Variants in CHD5 observed in about 807,000 individuals in gnomAD.
CHD5 encodes chromodomain helicase DNA binding protein 5.
CHD5 carries 69 observed loss-of-function variants against 230.3 expected under a neutral mutation model. That is an observed-to-expected ratio of 0.30 (90% CI 0.25 to 0.37). The LOEUF (loss-of-function observed/expected upper bound fraction) is 0.37, where lower values mean the gene tolerates loss of function less well. Ranked by LOEUF, CHD5 falls within the 10% of genes least tolerant of loss-of-function variation. The pLI, the probability that CHD5 is intolerant of heterozygous loss-of-function variation, is 1.00. For synonymous variants in CHD5, 1,064 were observed against 1,065.9 expected, an observed-to-expected ratio of 1.00 and a Z score of 0.03; for missense variants, 1,827 against 2,622.8, an observed-to-expected ratio of 0.70 and a Z score of 6.63.
At position 6,134,222 on chromosome 1, in the gene CHD5, C is replaced by A; in HGVS notation, c.3050G>T (p.Ser1017Ile). 6.2e-7 allele frequency: 1 copy of A among 1,613,754 alleles called. No homozygotes were observed. Among genetic ancestry groups the A allele is most frequent in the Non-Finnish European group, 8.5e-7 (1 of 1,179,964 alleles). ...PVLPNGSYDG[S>I]SLVKSSGKLM... ...CTTCCCTGAAGACTTGACCAGGGAGCTTCCATCGTAGGAGCCATTGGGCAA... is the reference window on the plus strand; with the variant it reads ...CTTCCCTGAAGACTTGACCAGGGAGATTCCATCGTAGGAGCCATTGGGCAA... Residue 1017 changes from serine to isoleucine, a missense_variant, in exon 20 of 42, where the codon AGC becomes ATC. Coordinates refer to ENST00000262450, the MANE Select transcript of CHD5 (RefSeq NM_015557.3). The surrounding 1 kb of genome is among the most constrained non-coding windows in gnomAD (Gnocchi z 6.3).
Position 6,121,219 on chromosome 1 carries a change from C to G in CHD5, c.4798G>C (p.Asp1600His). The G allele has an allele frequency of 6.2e-7, 1 of 1,612,550 alleles. No individual in the cohort carries two copies. ...LEVQALPAAL[D>H]RVESEDKHES... ...TGCTTGTCCTCACTCTCCACTCTAT[C>G]CAAGGCGGCTGGAAGGGCCTGCAGA... Residue 1600 changes from aspartate to histidine, a missense_variant, in exon 33 of 42, where the codon GAT becomes CAT. Asp to His is a moderately conservative substitution (Grantham distance 81). Coordinates refer to ENST00000262450, the MANE Select transcript of CHD5 (RefSeq NM_015557.3). The surrounding 1 kb of genome is among the most constrained non-coding windows in gnomAD (Gnocchi z 4.5).
intron 2 of CHD5, among the ~76,000 whole-genome samples, chr1:6,163,892 G>A (rs764471768): frequency 3.9e-5 from 6 of 152,218 alleles, no homozygotes; most frequent in East Asian, 1.9e-4. Flanking sequence ...AGCCTTAGGC[G>A]TGACTACAGG....
rs780370116 is a variant in CHD5, at chr1:6,112,204, C to G, written c.5076G>C (p.Gly1692=). The G allele has an allele frequency of 6.2e-7, 1 of 1,614,044 alleles. No homozygotes were observed. The highest frequency in any genetic ancestry group is 1.3e-5 in the African/African-American group (1 of 74,922). ...ATTTCCCCTTCTTGTCCTCCTTCTTCCCCTCGTCATCTTCCTCTTTGTCAC... is the reference window on the plus strand; with the variant it reads ...ATTTCCCCTTCTTGTCCTCCTTCTTGCCCTCGTCATCTTCCTCTTTGTCAC... ...QNGDKEEDDE[G]KKEDKKGKFK... is the part of the protein sequence containing the mutation. Residue 1692 remains glycine (G), a synonymous_variant, in exon 35 of 42, where the codon GGG becomes GGC. Transcript: ENST00000262450.
rs115525673 is a variant in CHD5, at chr1:6,169,202, C to T, written c.80-925G>A. On this transcript the variant is annotated intron_variant, in intron 1 of 41. Coordinates refer to ENST00000262450, the MANE Select transcript of CHD5 (RefSeq NM_015557.3). ...CCATATCGTATCTCCTCGTGGATCC[C>T]GCACCTGTGCACACACAGGCACACA... 1.5e-3 allele frequency among the ~76,000 whole-genome samples: 230 copies of T among 152,280 alleles called. 4 individuals carry two copies. The highest frequency in any genetic ancestry group is 5.2e-3 in the African/African-American group (214 of 41,550).
intron 9 of CHD5, among the ~76,000 whole-genome samples, chr1:6,148,180 T>C (rs1197076863): frequency 6.6e-6 from 1 of 152,086 alleles, no homozygotes. Flanking sequence ...GCCCAGGACC[T>C]GAGGGGTGGA....
chr1:6,159,492 C>A lies in CHD5; in HGVS notation c.231G>T (p.Glu77Asp), dbSNP rs1224815568. ...KKEGSNDELS[E>D]NEEDLEEKSE... The stretch of plus-strand genomic sequence containing the variant: ...ACTTCTCTTCCAGATCCTCTTCATT[C>A]TCTGATAGCTCATCATTGCTCCCCT... The change falls in exon 3 of 42, where the codon GAG (glutamate) becomes GAT (aspartate). Residue 77 changes from glutamate (E) to aspartate (D), a missense_variant. Glu to Asp is a conservative substitution (Grantham distance 45, BLOSUM62 2). This residue lies in a region of CHD5 where 657 missense variants were observed against 816.4 expected (regional missense o/e 0.80). Coordinates refer to ENST00000262450, the MANE Select transcript of CHD5 (RefSeq NM_015557.3). The A allele has an allele frequency of 6.3e-7, 1 of 1,599,086 alleles. No individual in the cohort carries two copies. Among genetic ancestry groups the A allele is most frequent in the Admixed American group, 1.7e-5 (1 of 58,926 alleles).
chr1:6,122,870 G>A (rs1033634336), intron 31 of CHD5, among the ~76,000 whole-genome samples: 1 of 152,146 alleles, frequency 6.6e-6, no homozygotes, highest in African/African-American at 2.4e-5. Context: ...AGGAATTCAA[G>A]ACCAGCCTGG....
At chr1:6,157,855 C>T (rs1347520467) in intron 3 of CHD5, among the ~76,000 whole-genome samples, 1 of 152,164 alleles carries the variant, frequency 6.6e-6, no homozygotes. Context: ...AGCCCCGCAG[C>T]GACGATCCGT....
rs377061596 is a variant in CHD5, at chr1:6,141,279, C to T, written c.2436+849G>A. 3.8e-4 allele frequency among the ~76,000 whole-genome samples: 50 copies of T among 132,772 alleles called. No homozygotes were observed. The East Asian group carries it at 9.5e-3, about 25-fold the overall frequency. The allele number at this position is 132,772 out of a possible 152,430, so 87.1% of individuals were successfully genotyped here. A position where few individuals can be genotyped will look rare whatever the true frequency, so the allele number is the denominator to read the frequency against. The stretch of plus-strand genomic sequence containing the variant: ...CAGCCTGGGCGACAGAGTGAGACTC[C>T]GTCTCAAAAAAATAATAATAATAAT... On this transcript the variant is annotated intron_variant, in intron 15 of 41. Transcript: ENST00000262450.
At chr1:6,164,496 T>C (rs1242435178) in intron 2 of CHD5, among the ~76,000 whole-genome samples, 1 of 152,170 alleles carries the variant, frequency 6.6e-6, no homozygotes, top group African/African-American at 2.4e-5. Context: ...TTTATGTAAA[T>C]CAGAATCCAC....
At position 6,106,380 on chromosome 1, in the gene CHD5, C is replaced by T. The variant is rs375280932; in HGVS notation, c.5857+15G>A. 13 of 1,605,902 alleles carry T rather than the reference C, an allele frequency of 8.1e-6. No individual in the cohort carries two copies. The highest frequency in any genetic ancestry group is 2.2e-5 in the East Asian group (1 of 44,548). On this transcript the variant is annotated intron_variant, in intron 40 of 41. Transcript: ENST00000262450. ...GCACCCGTGTGCATGCTGCCCGGAGCGGACGGGCACCTACCGGTCACATAG... is the reference window on the plus strand; with the variant it reads ...GCACCCGTGTGCATGCTGCCCGGAGTGGACGGGCACCTACCGGTCACATAG...
chr1:6,174,972 AGGAT>A lies in CHD5; in HGVS notation c.79+4969_79+4972del, dbSNP rs147487852. On this transcript the variant is annotated intron_variant, in intron 1 of 41. Coordinates refer to ENST00000262450, the MANE Select transcript of CHD5 (RefSeq NM_015557.3). ...GGGTGGATGGATGGATGGTGGATGAAGGATGGATGGATGGATGGATGGATGGCAG... is the reference window on the plus strand; with the variant it reads ...GGGTGGATGGATGGATGGTGGATGAAGGATGGATGGATGGATGGATGGCAG... 4.9e-3 allele frequency among the ~76,000 whole-genome samples: 416 copies of A among 85,338 alleles called. 1 individual carries two copies. The highest frequency in any genetic ancestry group is 4.4e-3 in the Non-Finnish European group (223 of 50,330). The allele number at this position is 85,338 out of a possible 152,430, so 56.0% of individuals were successfully genotyped here.
At chr1:6,148,120 C>T (rs1032378504) in intron 9 of CHD5, among the ~76,000 whole-genome samples, 1 of 152,196 alleles carries the variant, frequency 6.6e-6, no homozygotes, top group East Asian at 1.9e-4. Context: ...CACGCACACA[C>T]ATACACACGC....
In CHD5 at chr1:6,151,072, G is replaced by C. The variant is rs369301206; in HGVS notation, c.954C>G (p.Ala318=). 18 of 1,605,354 alleles carry C rather than the reference G, an allele frequency of 1.1e-5. No homozygotes were observed. Among genetic ancestry groups the C allele is most frequent in the Non-Finnish European group, 1.5e-5 (18 of 1,175,214 alleles). ...GCCTCCTCTTGCTCTTCTTGCCCAGGGCTGCAGAGCATTCGGAGCGCACGG... is the reference window on the plus strand; with the variant it reads ...GCCTCCTCTTGCTCTTCTTGCCCAGCGCTGCAGAGCATTCGGAGCGCACGG... The part of the protein sequence containing the change: ...SASVRSECSA[A]LGKKSKRRRK... The change falls in exon 7 of 42, where the codon GCC becomes GCG. Residue 318 remains alanine (A), a synonymous_variant. Transcript: ENST00000262450.
At chr1:6,171,292 T>TCTGCCCATGGACAGACCCC (rs1466228451) in intron 1 of CHD5, among the ~76,000 whole-genome samples, 4 of 152,156 alleles carry the variant, frequency 2.6e-5, no homozygotes, top group Admixed American at 2.6e-4. Context: ...CCCCAGACCC[T>TCTGCCCATGGACAGACCCC]CTGCCCATGG....
At chr1:6,171,075 G>A (rs1314234703) in intron 1 of CHD5, among the ~76,000 whole-genome samples, 5 of 152,348 alleles carry the variant, frequency 3.3e-5, no homozygotes, top group African/African-American at 7.2e-5. Context: ...GTCCCCTTCC[G>A]GCAGGGTGGT....
chr1:6,165,317 G>GGGGCTCCCACA (rs1026167620), intron 2 of CHD5, among the ~76,000 whole-genome samples: 4 of 152,144 alleles, frequency 2.6e-5, no homozygotes. Context: ...GGGGAGGATG[G>GGGGCTCCCACA]GGGCTCCCAC....
intron 2 of CHD5, among the ~76,000 whole-genome samples, chr1:6,166,395 G>A (rs1273556638): frequency 6.6e-6 from 1 of 151,928 alleles, no homozygotes; most frequent in African/African-American, 2.4e-5. Flanking sequence ...CAGGGCTGCA[G>A]AAGCCCCACA....
At chr1:6,150,480 G>A (rs934320559) in intron 7 of CHD5, among the ~76,000 whole-genome samples, 3 of 117,064 alleles carry the variant, frequency 2.6e-5, no homozygotes, top group Non-Finnish European at 5.5e-5. Flanking sequence ...ACGGACGGAC[G>A]GACGGATGGA....
Sources: gnomAD v4.1 joint callset for allele counts (sites outside exome capture counted in the v4.1 genomes callset) on GRCh38, gnomAD v4.1.1 for gene constraint, gnomAD v4.1.1 regional missense constraint, Gnocchi (gnomAD v3.1) non-coding constraint, MANE v1.5 for transcripts, NCBI Gene and HGNC (gene_info 2026-07-23, HGNC 2026-07-21) for gene names.